Variants in GPC3 observed in about 807,000 individuals in gnomAD.
GPC3 encodes glypican-3.
A neutral mutation model predicts 34.4 loss-of-function variants in GPC3; 3 were observed. The observed-to-expected ratio is 0.09, with a 90% confidence interval of 0.04 to 0.23. GPC3 has a LOEUF of 0.23. GPC3 is among the 10% of genes least tolerant of loss of function. GPC3 has a pLI of 1.00. For missense variants in GPC3, 351 were observed against 445.6 expected (o/e 0.79, Z 1.91); for synonymous variants, 177 against 174.0 (o/e 1.02, Z -0.13).
chrX:133,852,787 A>C (rs1487243203), intron 2 of GPC3, among the ~76,000 whole-genome samples: 1 of 110,520 alleles, frequency 9.0e-6, no homozygotes, highest in Non-Finnish European at 1.9e-5. Flanking sequence ...TGGTGCTTTC[A>C]AATACTGCTG....
At chrX:133,913,379 T>A (rs993409420) in intron 2 of GPC3, among the ~76,000 whole-genome samples, 2 of 112,568 alleles carry the variant, frequency 1.8e-5, no homozygotes, top group African/African-American at 6.5e-5. Flanking sequence ...AAAAAGTCAG[T>A]TGCTGGTAAC....
chrX:133,685,242 C>T (rs965652998), intron 5 of GPC3, among the ~76,000 whole-genome samples: 7 of 111,514 alleles, frequency 6.3e-5, no homozygotes, highest in African/African-American at 1.6e-4. Context: ...GAAGCTATTT[C>T]GGTCATTTAA....
intron 5 of GPC3, among the ~76,000 whole-genome samples, chrX:133,668,820 C>T (rs2070796986): frequency 8.9e-6 from 1 of 111,744 alleles, no homozygotes; most frequent in African/African-American, 3.3e-5. Flanking sequence ...TGGGTTCCAT[C>T]TCCAGCTGTG....
At chrX:133,655,488 ACACACACACACACACACC>A (rs2070650018) in intron 6 of GPC3, among the ~76,000 whole-genome samples, 2 of 107,953 alleles carry the variant, frequency 1.9e-5, no homozygotes, top group African/African-American at 6.9e-5. Context: ...ACACACACAC[ACACACACACACACACACC>A]CACACACACA....
At chrX:133,963,589 G>A (rs1481052872) in intron 1 of GPC3, among the ~76,000 whole-genome samples, 1 of 111,678 alleles carries the variant, frequency 9.0e-6, no homozygotes, top group Non-Finnish European at 1.9e-5. Flanking sequence ...TCTCTCTCAG[G>A]TGTCTTTCAT....
intron 2 of GPC3, among the ~76,000 whole-genome samples, chrX:133,782,091 C>T: frequency 9.0e-6 from 1 of 111,430 alleles, no homozygotes; most frequent in Non-Finnish European, 1.9e-5. Flanking sequence ...TGAGAAGTAA[C>T]AGCTCTGAAT....
rs1192151429 is a variant in GPC3, at chrX:133,977,766, T to C, written c.175+7509A>G. 4.5e-5 allele frequency among the ~76,000 whole-genome samples: 5 copies of C among 111,679 alleles called. No individual in the cohort carries two copies. In the East Asian group the frequency reaches 8.5e-4, roughly 19 times the overall value. ...TTTCCTACTTGGGCCTCTATTTGAA[T>C]ATTTGAAAGAACTTCCCATCAACTT... On this transcript the variant is annotated intron_variant, in intron 1 of 7. Transcript: ENST00000370818.
At chrX:133,757,773 T>TA (rs2071741524) in intron 2 of GPC3, among the ~76,000 whole-genome samples, 1 of 111,189 alleles carries the variant, frequency 9.0e-6, no homozygotes. Flanking sequence ...TGGGTTAGAA[T>TA]AAAAAATGGT....
intron 5 of GPC3, among the ~76,000 whole-genome samples, chrX:133,691,514 CA>C (rs1259847338): frequency 9.2e-6 from 1 of 108,930 alleles, no homozygotes; most frequent in Non-Finnish European, 1.9e-5. Context: ...AAAAAACAAA[CA>C]AAAAAACAAA....
At chrX:133,958,723 A>AT (rs1569459357) in intron 1 of GPC3, among the ~76,000 whole-genome samples, 1 of 104,409 alleles carries the variant, frequency 9.6e-6, no homozygotes, top group Non-Finnish European at 2.0e-5. Context: ...AAAAAAAAAA[A>AT]CAAAAAAAAA....
chrX:133,695,602 G>T (rs995338875), intron 4 of GPC3, among the ~76,000 whole-genome samples: 4 of 111,809 alleles, frequency 3.6e-5, no homozygotes, highest in African/African-American at 1.3e-4. Context: ...TAAACACATA[G>T]GTGGTGAGGG....
chrX:133,637,839 C>T (rs57659196), intron 6 of GPC3, among the ~76,000 whole-genome samples: 1,835 of 110,089 alleles, frequency 0.017, 36 homozygotes, highest in African/African-American at 0.057. Context: ...GACAGGGTTT[C>T]GGTATGTTGC....
chrX:133,583,235 T>C (rs933381627), intron 7 of GPC3, among the ~76,000 whole-genome samples: 11 of 111,593 alleles, frequency 9.9e-5, no homozygotes, highest in African/African-American at 3.6e-4. Context: ...TTTACATGTT[T>C]ACATCATAAA....
chrX:133,799,497 T>C (rs1239421067), intron 2 of GPC3, among the ~76,000 whole-genome samples: 1 of 111,424 alleles, frequency 9.0e-6, no homozygotes, highest in Non-Finnish European at 1.9e-5. Context: ...ATAGGTAGCC[T>C]ATTGACTGTG....
chrX:133,763,654 T>G (rs2071819758), intron 2 of GPC3: 1 of 745,289 alleles, frequency 1.3e-6, no homozygotes, highest in African/African-American at 2.1e-5. Context: ...GGCCACTGAA[T>G]GGGTAGGAGC....
intron 2 of GPC3, among the ~76,000 whole-genome samples, chrX:133,861,290 C>T (rs1297995776): frequency 9.0e-6 from 1 of 110,620 alleles, no homozygotes; most frequent in African/African-American, 3.3e-5. Flanking sequence ...AGAAGAGGTG[C>T]TATGGCAGGG....
intron 3 of GPC3, among the ~76,000 whole-genome samples, chrX:133,731,207 TCC>T (rs2071459764): frequency 8.9e-6 from 1 of 112,352 alleles, no homozygotes. Context: ...AGAGGATACC[TCC>T]CATGGCACCT....
chrX:133,733,249 G>C (rs1380519029), intron 3 of GPC3, among the ~76,000 whole-genome samples: 8 of 110,526 alleles, frequency 7.2e-5, no homozygotes, highest in African/African-American at 2.3e-4. Flanking sequence ...ATATACAAAG[G>C]CATGCAAAGT....
In GPC3 at chrX:133,596,545, C is replaced by T; in HGVS notation, c.1468G>A (p.Glu490Lys). The T allele has an allele frequency of 8.3e-7, 1 of 1,210,071 alleles. No homozygotes were observed. The highest frequency in any genetic ancestry group is 1.1e-6 in the Non-Finnish European group (1 of 894,022). Residue 490 changes from glutamate to lysine, a missense_variant, in exon 7 of 8, where the codon GAG becomes AAG. Glu to Lys is a moderately conservative substitution (Grantham distance 56, BLOSUM62 1). Transcript: ENST00000370818. ...KGRVLDKNLD[E>K]EGFESGDCGD... ...CAGTCTCCACTTTCAAACCCTTCCT[C>T]ATCCAGGTTTTTATCCAGAACTCTA...
Sources: gnomAD v4.1 joint callset for allele counts (sites outside exome capture counted in the v4.1 genomes callset) on GRCh38, gnomAD v4.1.1 for gene constraint, MANE v1.5 for transcripts, NCBI Gene and HGNC (gene_info 2026-07-23, HGNC 2026-07-21) for gene names.